Variants in ZMAT4 observed in about 807,000 individuals in gnomAD.
ZMAT4 encodes the protein zinc finger matrin-type 4, also known as zinc finger matrin-type protein 4.
Under a neutral mutation model 28.7 loss-of-function variants are expected in ZMAT4, and 17 were observed. That is an observed-to-expected ratio of 0.59 (90% CI 0.41 to 0.89). The LOEUF (loss-of-function observed/expected upper bound fraction) is 0.89. Among genes scored for constraint, ZMAT4 ranks in the 40% least tolerant of loss-of-function variants. The pLI is 0.00. For synonymous variants in ZMAT4, 117 were observed against 109.2 expected (o/e 1.07, Z -0.44); for missense variants, 240 against 283.8 (o/e 0.85, Z 1.11).
intron 1 of ZMAT4, among the ~76,000 whole-genome samples, chr8:40,893,625 A>C (rs1445833992): frequency 1.3e-5 from 2 of 152,204 alleles, no homozygotes; most frequent in African/African-American, 2.4e-5. Flanking sequence ...TCCCACTAGC[A>C]GGTGCCTGGA....
At chr8:40,626,417 G>A (rs1806383649) in intron 5 of ZMAT4, among the ~76,000 whole-genome samples, 1 of 152,166 alleles carries the variant, frequency 6.6e-6, no homozygotes, top group Non-Finnish European at 1.5e-5. Flanking sequence ...AGCACTAGAA[G>A]AGACTTTAGA....
intron 6 of ZMAT4, among the ~76,000 whole-genome samples, chr8:40,577,711 A>G (rs72636925): frequency 0.079 from 12,053 of 152,110 alleles, 570 homozygotes; most frequent in Non-Finnish European, 0.11. Context: ...TTATAAATAT[A>G]TATCAAAATA....
chr8:40,668,817 C>T (rs1363448842), intron 5 of ZMAT4, among the ~76,000 whole-genome samples: 1 of 151,946 alleles, frequency 6.6e-6, no homozygotes, highest in Non-Finnish European at 1.5e-5. Context: ...GTATTGGCTC[C>T]ATCGATGCTT....
At chr8:40,644,623 G>T (rs1396949194) in intron 5 of ZMAT4, among the ~76,000 whole-genome samples, 1 of 152,100 alleles carries the variant, frequency 6.6e-6, no homozygotes, top group East Asian at 1.9e-4. Context: ...GAATTATTTT[G>T]AATAATTTAT....
rs150855815 is a variant in ZMAT4 at position 40,558,735 on chromosome 8, C to T, written c.674+22430G>A. 2.8e-3 allele frequency among the ~76,000 whole-genome samples: 421 copies of T among 152,046 alleles called. 5 individuals carry two copies. Among genetic ancestry groups the T allele is most frequent in the African/African-American group, 9.4e-3 (389 of 41,496 alleles). On this transcript the variant is annotated intron_variant, in intron 6 of 6. Transcript: ENST00000297737. The stretch of plus-strand genomic sequence containing the variant: ...CCCATGTGAGAACTAAAAATAAAAT[C>T]CTAAGGCCCCCAACTGACTGAACGG...
intron 1 of ZMAT4, among the ~76,000 whole-genome samples, chr8:40,891,601 G>T (rs1414394357): frequency 6.6e-6 from 1 of 152,102 alleles, no homozygotes; most frequent in East Asian, 2.0e-4. Flanking sequence ...GCCAATCCCT[G>T]GAAGGGCACC....
intron 3 of ZMAT4, among the ~76,000 whole-genome samples, chr8:40,729,344 G>T (rs946441078): frequency 3.3e-5 from 5 of 152,194 alleles, no homozygotes; most frequent in African/African-American, 1.2e-4. Flanking sequence ...TGACCTTTAA[G>T]CTAGAAGAGC....
At chr8:40,708,571 T>TCTC (rs1810463131) in intron 3 of ZMAT4, among the ~76,000 whole-genome samples, 29 of 120,976 alleles carry the variant, frequency 2.4e-4, no homozygotes, top group Admixed American at 4.6e-4. Flanking sequence ...TACACACTCT[T>TCTC]TCTCTCTCTC....
chr8:40,558,221 G>C (rs1017047054), intron 6 of ZMAT4, among the ~76,000 whole-genome samples: 2 of 152,174 alleles, frequency 1.3e-5, no homozygotes, highest in African/African-American at 4.8e-5. Context: ...GAGCCAGCAC[G>C]AAGAGTCCGA....
chr8:40,649,051 C>A (rs1386308512), intron 5 of ZMAT4, among the ~76,000 whole-genome samples: 1 of 148,274 alleles, frequency 6.7e-6, no homozygotes, highest in Non-Finnish European at 1.5e-5. Context: ...ATCATAATGA[C>A]AGGATCAAAT....
intron 5 of ZMAT4, among the ~76,000 whole-genome samples, chr8:40,640,208 G>A (rs902474883): frequency 2.6e-5 from 4 of 152,082 alleles, no homozygotes; most frequent in East Asian, 1.9e-4. Context: ...GAATTCCTGG[G>A]CCCAAGCAAT....
At chr8:40,559,490 T>A (rs1241372930) in intron 6 of ZMAT4, among the ~76,000 whole-genome samples, 1 of 152,168 alleles carries the variant, frequency 6.6e-6, no homozygotes, top group African/African-American at 2.4e-5. Flanking sequence ...GTTAAATATG[T>A]GTACTTGGCC....
chr8:40,719,590 T>G (rs150015675), intron 3 of ZMAT4, among the ~76,000 whole-genome samples: 2,705 of 151,846 alleles, frequency 0.018, 35 homozygotes, highest in Middle Eastern at 0.048. Context: ...TTGTTTTTTG[T>G]TTTTTTTGAG....
chr8:40,616,715 A>G (rs1012467631), intron 5 of ZMAT4, among the ~76,000 whole-genome samples: 10 of 152,006 alleles, frequency 6.6e-5, no homozygotes, highest in Admixed American at 6.6e-4. Flanking sequence ...GAAGGGGAAC[A>G]TCACACACCG....
intron 6 of ZMAT4, among the ~76,000 whole-genome samples, chr8:40,575,260 T>A (rs1006558378): frequency 5.9e-5 from 9 of 152,088 alleles, no homozygotes; most frequent in African/African-American, 2.2e-4. Flanking sequence ...GTCCCTGAAT[T>A]GCTGAGCCAC....
chr8:40,753,548 C>G lies in ZMAT4; in HGVS notation c.192+14093G>C, dbSNP rs111295062. ...AATTAACATCCATTCCCCCCCACCA[C>G]TATCCTTGTAAGTTCTGTAAACAGA... On this transcript the variant is annotated intron_variant, in intron 3 of 6. Transcript: ENST00000297737. Among the ~76,000 whole-genome samples, 310 of 152,310 alleles carry G rather than the reference C, an allele frequency of 2.0e-3. 3 individuals are homozygous for G. The highest frequency in any genetic ancestry group is 6.9e-3 in the African/African-American group (286 of 41,562).
chr8:40,755,159 A>G (rs974873423), intron 3 of ZMAT4, among the ~76,000 whole-genome samples: 1 of 152,212 alleles, frequency 6.6e-6, no homozygotes, highest in African/African-American at 2.4e-5. Flanking sequence ...GCAACAATGC[A>G]AATGGAAACT....
At chr8:40,730,568 A>T (rs1456619842) in intron 3 of ZMAT4, among the ~76,000 whole-genome samples, 1 of 152,168 alleles carries the variant, frequency 6.6e-6, no homozygotes, top group African/African-American at 2.4e-5. Context: ...TGTTCTGTGT[A>T]TGCAGGTTCT....
intron 3 of ZMAT4, among the ~76,000 whole-genome samples, chr8:40,766,654 T>G (rs1399680429): frequency 6.6e-6 from 1 of 152,254 alleles, no homozygotes; most frequent in African/African-American, 2.4e-5. Flanking sequence ...ACAGCTCATT[T>G]TGTGACACCA....
Sources: gnomAD v4.1 joint callset for allele counts (sites outside exome capture counted in the v4.1 genomes callset) on GRCh38, gnomAD v4.1.1 for gene constraint, MANE v1.5 for transcripts, NCBI Gene and HGNC (gene_info 2026-07-23, HGNC 2026-07-21) for gene names.